The following VIL1 variants were observed in gnomAD, a reference collection of about 807,000 sequenced individuals.
VIL1 encodes the protein villin-1.
In VIL1, 86 loss-of-function variants were observed where a neutral mutation model predicts 104.0. The ratio of observed to expected loss-of-function variants is 0.83; its 90% CI spans 0.69 to 0.99. The LOEUF (loss-of-function observed/expected upper bound fraction) is 0.99. VIL1 is among the 50% of genes least tolerant of loss of function. VIL1 has a pLI of 0.00. For synonymous variants in VIL1, 394 were observed against 412.6 expected, an observed-to-expected ratio of 0.95 and a Z score of 0.55; for missense variants, 944 against 1,054.1, an observed-to-expected ratio of 0.90 and a Z score of 1.45.
Position 218,429,945 on chromosome 2 carries a change from C to CCTTGGGG in VIL1, c.946_947insCTTGGGG (p.Leu316ProfsTer22). On this transcript the variant is annotated frameshift_variant and splice_region_variant, in exon 9 of 20. Transcript: ENST00000248444. LOFTEE classifies it high-confidence loss of function. ...GAAGAAGGGAGCCATGAGCCATGCGCTGGTAGTGGTGGGGGCGGGGGAGGG... is the reference window on the plus strand; with the variant it reads ...GAAGAAGGGAGCCATGAGCCATGCGCCTTGGGGTGGTAGTGGTGGGGGCGGGGGAGGG... 1 of 806,390 alleles carries CCTTGGGG rather than the reference C, an allele frequency of 1.2e-6. No homozygotes were observed. 50.0% of individuals were successfully genotyped at this position (806,390 alleles called of 1,614,324 possible). A position where few individuals can be genotyped will look rare whatever the true frequency, so the allele number is the denominator to read the frequency against.
At chr2:218,446,759 ACTTTTTT>A (rs1689369377) in intron 19 of VIL1, among the ~76,000 whole-genome samples, 1 of 50,148 alleles carries the variant, frequency 2.0e-5, no homozygotes. Flanking sequence ...AGTGACCTTG[ACTTTTTT>A]TTTTTTTTTT....
At chr2:218,424,402 G>T in intron 3 of VIL1, 51 bp downstream of exon 3, 1 of 1,585,114 alleles carries the variant, frequency 6.3e-7, no homozygotes, top group Non-Finnish European at 8.6e-7. Flanking sequence ...ACCCACTGTG[G>T]TGTCAGGGAG....
intron 15 of VIL1, 44 bp from the exon 16 acceptor site, chr2:218,436,438 C>T (rs1284226054): frequency 6.3e-7 from 1 of 1,592,210 alleles, no homozygotes; most frequent in Non-Finnish European, 8.6e-7. Flanking sequence ...TCTCCTTTTG[C>T]CACACCTTCC....
At chr2:218,427,841 T>A (rs1429202971) in intron 4 of VIL1, 124 bp from the exon 5 acceptor site, 5 of 833,002 alleles carry the variant, frequency 6.0e-6, no homozygotes, top group Non-Finnish European at 7.9e-6. Flanking sequence ...CAGCACCTCA[T>A]TGACCTCGCC....
Position 218,440,817 on chromosome 2 carries a change from G to C in VIL1, c.2325G>C (p.Lys775Asn). ...PIFPLEQLVNKPVEELPEGVD... is the reference protein window; with the variant it reads ...PIFPLEQLVNNPVEELPEGVD... ...TCCCCCTGGAGCAGCTAGTGAACAA[G>C]CCTGTAGAGGAGCTCCCCGAGGGTG... The change falls in exon 19 of 20, where the codon AAG (lysine) becomes AAC (asparagine). Residue 775 changes from lysine to asparagine, a missense_variant. Coordinates refer to ENST00000248444, the MANE Select transcript of VIL1 (RefSeq NM_007127.3). The C allele has an allele frequency of 6.2e-7, 1 of 1,614,186 alleles. No homozygotes were observed. Among genetic ancestry groups the C allele is most frequent in the South Asian group, 1.1e-5 (1 of 91,074 alleles).
intron 19 of VIL1, among the ~76,000 whole-genome samples, chr2:218,442,834 T>A (rs1689305819): frequency 6.6e-6 from 1 of 152,204 alleles, no homozygotes; most frequent in Admixed American, 6.5e-5. Flanking sequence ...TTCGGCTCAA[T>A]ATTTATATAA....
chr2:218,430,059 C>T, intron 9 of VIL1, 112 bp downstream of exon 9: 3 of 968,642 alleles, frequency 3.1e-6, no homozygotes, highest in Non-Finnish European at 4.7e-6. Flanking sequence ...TAGTGCCAGG[C>T]AGAGGCAGGG....
intron 1 of VIL1, among the ~76,000 whole-genome samples, chr2:218,423,317 C>G (rs565160984): frequency 2.0e-5 from 3 of 152,262 alleles, no homozygotes; most frequent in African/African-American, 7.2e-5. Context: ...ATCACTTGAA[C>G]CTGGGAGGCA....
At chr2:218,432,408 C>T in intron 12 of VIL1, 1 of 765,658 alleles carries the variant, frequency 1.3e-6, no homozygotes, top group South Asian at 1.5e-5. Flanking sequence ...GCCTTCTGCA[C>T]ATTCTTGTCA....
chr2:218,446,915 C>CA (rs1218212289), intron 19 of VIL1, among the ~76,000 whole-genome samples: 1 of 151,986 alleles, frequency 6.6e-6, no homozygotes, highest in Non-Finnish European at 1.5e-5. Context: ...AGGCGCCTGC[C>CA]ACCACACCAA....
rs1209045581 is a variant in VIL1, at chr2:218,437,209, C to T, written c.2057C>T (p.Pro686Leu). 4 of 1,614,178 alleles carry T rather than the reference C, an allele frequency of 2.5e-6. No homozygotes were observed. The highest frequency in any genetic ancestry group is 2.2e-5 in the South Asian group (2 of 91,086). ...GCACAGGAATACCTCAAGACCCATC[C>T]CAGCGGGCGTGACCCTGAGACCCCC... ...TTAQEYLKTHPSGRDPETPII... is the reference protein window; with the variant it reads ...TTAQEYLKTHLSGRDPETPII... The change falls in exon 17 of 20, where the codon CCC becomes CTC. Residue 686 changes from proline to leucine, a missense_variant. Transcript: ENST00000248444.
Position 218,437,330 on chromosome 2 carries a change from A to G in VIL1, c.2160+18A>G. The G allele has an allele frequency of 6.2e-7, 1 of 1,609,998 alleles. No homozygotes were observed. Among genetic ancestry groups the G allele is most frequent in the Non-Finnish European group, 8.5e-7 (1 of 1,177,414 alleles). On this transcript the variant is annotated intron_variant, in intron 17 of 19. Transcript: ENST00000248444. ...AGTGGAGTGTGAGTGGCCTCATCCC[A>G]GCATGTCCTTCTCTAGCCCTGCCTG...
intron 6 of VIL1, 109 bp downstream of exon 6, chr2:218,428,446 T>C: frequency 1.1e-6 from 1 of 942,360 alleles, no homozygotes; most frequent in Middle Eastern, 2.9e-4. Flanking sequence ...TGTTTGAAGG[T>C]GGCTCAGTCT....
At chr2:218,422,359 C>G (rs1688910396) in intron 1 of VIL1, among the ~76,000 whole-genome samples, 1 of 152,178 alleles carries the variant, frequency 6.6e-6, no homozygotes, top group African/African-American at 2.4e-5. Context: ...CAACCTGGTT[C>G]TGCTGGACCA....
intron 16 of VIL1, 57 bp downstream of exon 16, chr2:218,436,683 G>A: frequency 2.5e-6 from 4 of 1,578,874 alleles, no homozygotes; most frequent in Non-Finnish European, 3.4e-6. Flanking sequence ...CCAGGGCCAA[G>A]AAAGAGTGGC....
intron 12 of VIL1, chr2:218,432,401 T>C (rs879109763): frequency 1.7e-4 from 134 of 780,332 alleles, no homozygotes; most frequent in Non-Finnish European, 2.5e-4. Context: ...TTTCATTGCC[T>C]TCTGCACATT....
At position 218,449,495 on chromosome 2, in the gene VIL1, A is replaced by G. The variant is rs1689431976; in HGVS notation, c.*159A>G. On this transcript the variant is annotated 3_prime_UTR_variant, in exon 20 of 20. Transcript: ENST00000248444. ...GCCAGTTTTGTTTAATAATGTACCT[A>G]TTCCTTCAGAAAGATGATACCCCAA... 2 of 572,410 alleles carry G rather than the reference A, an allele frequency of 3.5e-6. No homozygotes were observed. Among genetic ancestry groups the G allele is most frequent in the Non-Finnish European group, 6.3e-6 (2 of 318,554 alleles). The allele number at this position is 572,410 out of a possible 1,614,324, so 35.5% of individuals were successfully genotyped here.
chr2:218,434,492 ACTCT>A, intron 13 of VIL1, 30 bp from the exon 14 acceptor site: 2 of 1,579,836 alleles, frequency 1.3e-6, no homozygotes, highest in Non-Finnish European at 1.7e-6. Context: ...GTGACTCCTG[ACTCT>A]CTCTCCCTGT....
intron 14 of VIL1, among the ~76,000 whole-genome samples, 191 bp from the exon 15 acceptor site, chr2:218,435,098 T>C (rs542702967): frequency 6.6e-6 from 1 of 152,280 alleles, no homozygotes; most frequent in African/African-American, 2.4e-5. Flanking sequence ...GAAAAGACTC[T>C]CTAGTTTCTT....
Sources: allele counts gnomAD v4.1 joint callset (sites outside exome capture counted in the v4.1 genomes callset), GRCh38; gene constraint gnomAD v4.1.1; transcripts MANE v1.5; gene names NCBI Gene and HGNC (gene_info 2026-07-23, HGNC 2026-07-21).